The following PDZRN4 variants were observed in gnomAD, a reference collection of about 807,000 sequenced individuals.
PDZRN4 encodes PDZ domain containing ring finger 4.
A neutral mutation model predicts 99.0 loss-of-function variants in PDZRN4; 70 were observed. The observed-to-expected ratio is 0.71, with a 90% CI of 0.58 to 0.86. The LOEUF is 0.86. PDZRN4 is among the 40% of genes least tolerant of loss of function. The pLI is 0.00. For synonymous variants in PDZRN4, 551 were observed against 501.6 expected (o/e 1.10, Z -1.32); for missense variants, 1,474 against 1,331.2 (o/e 1.11, Z -1.67).
intron 3 of PDZRN4, among the ~76,000 whole-genome samples, chr12:41,427,856 G>C (rs1952550534): frequency 6.6e-6 from 1 of 152,138 alleles, no homozygotes; most frequent in African/African-American, 2.4e-5. Context: ...TTGGAAGGCT[G>C]GTGGGCAGAT....
chr12:41,415,616 A>G (rs1240629896), intron 3 of PDZRN4, among the ~76,000 whole-genome samples: 1 of 152,090 alleles, frequency 6.6e-6, no homozygotes, highest in Non-Finnish European at 1.5e-5. Flanking sequence ...GAAGTATTGT[A>G]GTTAAGTATA....
chr12:41,229,703 G>T (rs1417672007), intron 3 of PDZRN4, among the ~76,000 whole-genome samples: 1 of 152,000 alleles, frequency 6.6e-6, no homozygotes, highest in Non-Finnish European at 1.5e-5. Context: ...AACCCTTCTT[G>T]TGCTGGCCTT....
rs894174028 is a variant in PDZRN4 at position 41,542,603 on chromosome 12, G to A, written c.1204-10053G>A. On this transcript the variant is annotated intron_variant, in intron 5 of 9. Coordinates refer to ENST00000402685, the MANE Select transcript of PDZRN4 (RefSeq NM_001164595.2). Reference sequence around the variant, plus strand: ...AACCCCCAGACCTCAGTTCCAGGTCGGAATGACTTGATTGAAGAACAGTAT... The same window carrying A: ...AACCCCCAGACCTCAGTTCCAGGTCAGAATGACTTGATTGAAGAACAGTAT... Among the ~76,000 whole-genome samples the A allele has an allele frequency of 7.2e-5, 11 of 152,150 alleles. No individual in the cohort carries two copies. In the South Asian group the frequency reaches 1.5e-3, roughly 20 times the overall value.
intron 3 of PDZRN4, among the ~76,000 whole-genome samples, chr12:41,404,415 A>G (rs1952328049): frequency 1.3e-5 from 2 of 152,180 alleles, no homozygotes; most frequent in African/African-American, 4.8e-5. Context: ...CAATAGCCAC[A>G]AAGGAAATGA....
At chr12:41,281,374 A>C (rs1048199022) in intron 3 of PDZRN4, among the ~76,000 whole-genome samples, 7 of 152,122 alleles carry the variant, frequency 4.6e-5, no homozygotes, top group African/African-American at 7.2e-5. Flanking sequence ...AGTTTGATGA[A>C]TTGACAGAAG....
At chr12:41,511,289 T>C (rs1938299906) in intron 5 of PDZRN4, among the ~76,000 whole-genome samples, 1 of 151,974 alleles carries the variant, frequency 6.6e-6, no homozygotes, top group Non-Finnish European at 1.5e-5. Context: ...AGCATGTCAT[T>C]GAAATATTAC....
intron 3 of PDZRN4, among the ~76,000 whole-genome samples, chr12:41,503,750 A>G (rs1222016261): frequency 2.0e-5 from 3 of 152,194 alleles, no homozygotes; most frequent in African/African-American, 7.2e-5. Context: ...AAATAGGTGA[A>G]TGGCATTTAT....
At chr12:41,409,253 T>C (rs556002189) in intron 3 of PDZRN4, among the ~76,000 whole-genome samples, 18 of 152,292 alleles carry the variant, frequency 1.2e-4, no homozygotes, top group Admixed American at 5.2e-4. Flanking sequence ...TTAACATCTA[T>C]GCTATTTTAT....
At chr12:41,261,718 T>C (rs1951241342) in intron 3 of PDZRN4, among the ~76,000 whole-genome samples, 1 of 152,196 alleles carries the variant, frequency 6.6e-6, no homozygotes, top group Admixed American at 6.5e-5. Flanking sequence ...CTCGATCTCC[T>C]GACCTCGTGA....
chr12:41,386,268 C>A (rs976927206), intron 3 of PDZRN4, among the ~76,000 whole-genome samples: 1 of 152,198 alleles, frequency 6.6e-6, no homozygotes, highest in Non-Finnish European at 1.5e-5. Flanking sequence ...CAAAGATATT[C>A]TCTCTCACTA....
intron 3 of PDZRN4, among the ~76,000 whole-genome samples, chr12:41,353,752 A>G (rs1369586898): frequency 6.6e-6 from 1 of 152,020 alleles, no homozygotes; most frequent in Non-Finnish European, 1.5e-5. Flanking sequence ...TTGCCTCCCT[A>G]ACAACTCTGT....
At chr12:41,496,816 G>A (rs1938012762) in intron 3 of PDZRN4, among the ~76,000 whole-genome samples, 1 of 152,116 alleles carries the variant, frequency 6.6e-6, no homozygotes, top group South Asian at 2.1e-4. Context: ...TTTCAAGTAT[G>A]TGCCAAGCAC....
rs1255534142 is a variant in PDZRN4, at chr12:41,260,919, C to T, written c.843+66731C>T. 3.9e-5 allele frequency among the ~76,000 whole-genome samples: 6 copies of T among 152,182 alleles called. No individual in the cohort carries two copies. The South Asian group carries it at 1.2e-3, about 32-fold the overall frequency. On this transcript the variant is annotated intron_variant, in intron 3 of 9. Coordinates refer to ENST00000402685, the MANE Select transcript of PDZRN4 (RefSeq NM_001164595.2). ...TCTGCTGATTTTCTACAATATCACC[C>T]CCCGTAGTCAAGATAGTTTTAAATC...
chr12:41,471,553 TAATA>T (rs1246632016), intron 3 of PDZRN4, among the ~76,000 whole-genome samples: 14 of 149,486 alleles, frequency 9.4e-5, no homozygotes, highest in Admixed American at 6.7e-4. Context: ...ATAATTTCTA[TAATA>T]AATAGTAATT....
chr12:41,379,700 G>T (rs1382271221), intron 3 of PDZRN4, among the ~76,000 whole-genome samples: 2 of 150,656 alleles, frequency 1.3e-5, no homozygotes, highest in Non-Finnish European at 3.0e-5. Context: ...ATACCATTTT[G>T]GCCCAAAAAG....
At position 41,188,708 on chromosome 12, in the gene PDZRN4, G is replaced by T. The variant is rs1950710966; in HGVS notation, c.253G>T (p.Ala85Ser). 3.9e-6 allele frequency: 6 copies of T among 1,555,858 alleles called. No homozygotes were observed. Among genetic ancestry groups the T allele is most frequent in the Non-Finnish European group, 5.2e-6 (6 of 1,161,536 alleles). The change falls in exon 1 of 10, where the codon GCC becomes TCC. Residue 85 changes from alanine to serine, a missense_variant. Ala to Ser is a moderately conservative substitution (Grantham distance 99). Coordinates refer to ENST00000402685, the MANE Select transcript of PDZRN4 (RefSeq NM_001164595.2). Reference protein sequence around the residue: ...QKLRVQCDYRARGCGHSVRLH... With the variant: ...QKLRVQCDYRSRGCGHSVRLH... ...GCTGCGAGTCCAGTGCGACTACCGC[G>T]CCCGCGGCTGCGGCCACTCGGTCAG...
At chr12:41,323,494 T>C (rs1442903940) in intron 3 of PDZRN4, among the ~76,000 whole-genome samples, 1 of 152,032 alleles carries the variant, frequency 6.6e-6, no homozygotes, top group Non-Finnish European at 1.5e-5. Context: ...AAGCAGAAGA[T>C]GAAAAAGTAA....
Position 41,382,496 on chromosome 12 carries a change from A to G in PDZRN4, c.844-123960A>G, listed in dbSNP as rs566558404. ...GATTTATCAATCTTTATTAAAGGCA[A>G]GTTCATATTCTTGCCAGAATCTTGA... On this transcript the variant is annotated intron_variant, in intron 3 of 9. Transcript: ENST00000402685. Among the ~76,000 whole-genome samples, 141 of 152,312 alleles carry G rather than the reference A, an allele frequency of 9.3e-4. 1 individual carries two copies. The highest frequency in any genetic ancestry group is 1.5e-3 in the Non-Finnish European group (105 of 68,026).
rs1247041831 is a variant in PDZRN4, at chr12:41,308,056, G to A, written c.843+113868G>A. 2.0e-5 allele frequency among the ~76,000 whole-genome samples: 3 copies of A among 152,150 alleles called. No homozygotes were observed. The East Asian group carries it at 5.8e-4, about 29-fold the overall frequency. On this transcript the variant is annotated intron_variant, in intron 3 of 9. Coordinates refer to ENST00000402685, the MANE Select transcript of PDZRN4 (RefSeq NM_001164595.2). Reference sequence around the variant, plus strand: ...CCATAACCATAGCCCTTCAATATCTGTAATTCTGATGTATATATATTATTA... The same window carrying A: ...CCATAACCATAGCCCTTCAATATCTATAATTCTGATGTATATATATTATTA...
Sources: allele counts gnomAD v4.1 joint callset (sites outside exome capture counted in the v4.1 genomes callset), GRCh38; gene constraint gnomAD v4.1.1; transcripts MANE v1.5; gene names NCBI Gene and HGNC (gene_info 2026-07-23, HGNC 2026-07-21).